ITGB3: variants seen among roughly 807,000 people sequenced by gnomAD.
ITGB3 encodes integrin beta-3.
In ITGB3, 48 loss-of-function variants were observed where a neutral mutation model predicts 85.8. The observed-to-expected ratio is 0.56, with a 90% CI of 0.44 to 0.71. The LOEUF is 0.71. ITGB3 is among the 30% of genes least tolerant of loss of function. ITGB3 has a pLI of 0.00. For synonymous variants in ITGB3, 363 were observed against 395.6 expected (o/e 0.92, Z 0.98); for missense variants, 861 against 1,019.1 (o/e 0.84, Z 2.11).
At chr17:47,283,241 G>A (rs2065090002) in intron 2 of ITGB3, 113 bp from the exon 3 acceptor site, 2 of 978,866 alleles carry the variant, frequency 2.0e-6, no homozygotes, top group African/African-American at 3.2e-5. Flanking sequence ...ATTTGTTTAT[G>A]CTCCAATGTA....
intron 1 of ITGB3, among the ~76,000 whole-genome samples, chr17:47,268,210 A>T (rs149106552): frequency 1.0e-3 from 157 of 152,212 alleles, no homozygotes; most frequent in African/African-American, 3.7e-3. Context: ...ATTCAAGAGG[A>T]GATTTGGGGG....
At position 47,253,928 on chromosome 17, in the gene ITGB3, G is replaced by T. The variant is rs778013385; in HGVS notation, c.67G>T (p.Val23Phe). 1.1e-5 allele frequency: 16 copies of T among 1,417,106 alleles called. No homozygotes were observed. In the Admixed American group the frequency reaches 3.5e-4, roughly 31 times the overall value. The allele number at this position is 1,417,106 out of a possible 1,614,324, so 87.8% of individuals were successfully genotyped here. Residue 23 changes from valine (V) to phenylalanine (F), a missense_variant, in exon 1 of 15, where the codon GTT becomes TTT. By Grantham distance (50) the Val-to-Phe change is conservative. Coordinates refer to ENST00000559488, the MANE Select transcript of ITGB3 (RefSeq NM_000212.3). ...GCTGGCGCTGGGGGCGCTGGCGGGC[G>T]TTGGCGTAGGAGGTGAGTGAGGCTC... ...TVLALGALAG[V>F]GVGGPNICTT...
intron 1 of ITGB3, among the ~76,000 whole-genome samples, chr17:47,262,377 T>G (rs922328394): frequency 2.6e-5 from 4 of 152,210 alleles, no homozygotes; most frequent in Admixed American, 1.3e-4. Flanking sequence ...TGAGGTGGGG[T>G]CGATGCTAAT....
At chr17:47,255,295 A>G (rs2064985085) in intron 1 of ITGB3, among the ~76,000 whole-genome samples, 1 of 152,000 alleles carries the variant, frequency 6.6e-6, no homozygotes, top group Admixed American at 6.6e-5. Context: ...TATTTTAAAA[A>G]GGGAAGATTT....
chr17:47,291,135 C>CAAAAGGA (rs1381332127), intron 9 of ITGB3, 47 bp downstream of exon 9: 1 of 1,612,438 alleles, frequency 6.2e-7, no homozygotes, highest in East Asian at 2.2e-5. Context: ...TCTGTGGGCA[C>CAAAAGGA]CCAACCCCCT....
chr17:47,273,765 C>A (rs1240993991), intron 1 of ITGB3, among the ~76,000 whole-genome samples: 1 of 152,254 alleles, frequency 6.6e-6, no homozygotes, highest in Non-Finnish European at 1.5e-5. Context: ...CCTTCCAACT[C>A]TAAAATTCCA....
intron 1 of ITGB3, among the ~76,000 whole-genome samples, chr17:47,261,526 T>G (rs938542944): frequency 3.3e-5 from 5 of 150,384 alleles, no homozygotes; most frequent in African/African-American, 1.2e-4. Context: ...TGTCTTTTTT[T>G]TTTTTTTTTT....
Position 47,292,488 on chromosome 17 carries a change from G to C in ITGB3, c.1610G>C (p.Ser537Thr). The change falls in exon 10 of 15, where the codon AGT becomes ACT. Residue 537 changes from serine to threonine, a missense_variant. By Grantham distance (58) the Ser-to-Thr change is moderately conservative. Coordinates refer to ENST00000559488, the MANE Select transcript of ITGB3 (RefSeq NM_000212.3). ...CLCGQCVCHSSDFGKITGKYC... is the reference protein window; with the variant it reads ...CLCGQCVCHSTDFGKITGKYC... The stretch of plus-strand genomic sequence containing the variant: ...TGTGGTCAATGTGTCTGCCACAGCA[G>C]TGACTTTGGCAAGATCACGGGCAAG... 6.2e-7 allele frequency: 1 copy of C among 1,610,406 alleles called. No individual in the cohort carries two copies. The highest frequency in any genetic ancestry group is 8.5e-7 in the Non-Finnish European group (1 of 1,179,182).
intron 1 of ITGB3, among the ~76,000 whole-genome samples, chr17:47,254,541 G>T (rs2064981172): frequency 6.6e-6 from 1 of 152,044 alleles, no homozygotes; most frequent in Non-Finnish European, 1.5e-5. Flanking sequence ...GCAGGATGAG[G>T]GCTTTGCCTC....
chr17:47,304,037 A>G (rs972879721), intron 13 of ITGB3, among the ~76,000 whole-genome samples: 9 of 151,928 alleles, frequency 5.9e-5, no homozygotes, highest in African/African-American at 2.2e-4. Context: ...GGCGTACACT[A>G]CCACACCTGG....
chr17:47,255,972 T>TAAATAAAC (rs902960701), intron 1 of ITGB3, among the ~76,000 whole-genome samples: 13 of 142,742 alleles, frequency 9.1e-5, no homozygotes, highest in Non-Finnish European at 2.0e-4. Flanking sequence ...TCAGTAAAAA[T>TAAATAAAC]AAATAAATAA....
At chr17:47,272,774 TC>T (rs35645550) in intron 1 of ITGB3, among the ~76,000 whole-genome samples, 42,388 of 150,050 alleles carry the variant, frequency 0.28, 6,326 homozygotes, top group African/African-American at 0.34. Context: ...TTTCTTTCTT[TC>T]CTTTTTTTTC....
rs1253284093 is a variant in ITGB3 at position 47,289,677 on chromosome 17, C to T, written c.940-4C>T. The T allele has an allele frequency of 6.2e-7, 1 of 1,606,372 alleles. No homozygotes were observed. Among genetic ancestry groups the T allele is most frequent in the Non-Finnish European group, 8.5e-7 (1 of 1,172,934 alleles). ...ATTAACCTCTACATCCTTCATTTTCCTAGGATTATCCCTCTTTGGGGCTGA... is the reference window on the plus strand; with the variant it reads ...ATTAACCTCTACATCCTTCATTTTCTTAGGATTATCCCTCTTTGGGGCTGA... On this transcript the variant is annotated splice_polypyrimidine_tract_variant and splice_region_variant and intron_variant, in intron 6 of 14. Transcript: ENST00000559488.
In ITGB3 at chr17:47,307,628, A is replaced by G; in HGVS notation, c.2292A>G (p.Lys764=). 1 of 1,614,172 alleles carries G rather than the reference A, an allele frequency of 6.2e-7. No individual in the cohort carries two copies. Among genetic ancestry groups the G allele is most frequent in the Non-Finnish European group, 8.5e-7 (1 of 1,180,016 alleles). ...TTGAGGAAGAACGCGCCAGAGCAAA[A>G]TGGGACACAGTAAGAGACGGGGCTG... is the stretch of plus-strand genomic sequence containing the variant. The part of the protein sequence containing the change: ...AKFEEERARA[K]WDTANNPLYK... Residue 764 remains lysine (K), a synonymous_variant, in exon 14 of 15, where the codon AAA becomes AAG. Transcript: ENST00000559488.
At chr17:47,304,684 T>G (rs1323581846) in intron 13 of ITGB3, among the ~76,000 whole-genome samples, 1 of 152,194 alleles carries the variant, frequency 6.6e-6, no homozygotes, top group Admixed American at 6.5e-5. Context: ...CTTGGCTCAC[T>G]GCAATCTCTG....
intron 2 of ITGB3, among the ~76,000 whole-genome samples, chr17:47,282,368 A>C (rs1209707832): frequency 1.3e-5 from 2 of 152,182 alleles, no homozygotes; most frequent in African/African-American, 2.4e-5. Flanking sequence ...AAAACTCTGT[A>C]CCCATCAAAA....
At chr17:47,271,698 C>T (rs1161342842) in intron 1 of ITGB3, among the ~76,000 whole-genome samples, 1 of 152,198 alleles carries the variant, frequency 6.6e-6, no homozygotes, top group Admixed American at 6.5e-5. Context: ...CCAGTTCTAG[C>T]AGCTATAACA....
At position 47,299,623 on chromosome 17, in the gene ITGB3, C is replaced by A; in HGVS notation, c.1913+93C>A. The stretch of plus-strand genomic sequence containing the variant: ...CAGCTCTCCAGGTGTGTTTCTTGCT[C>A]ACCAGAGCCTTAGGGAGAGGAGTCC... On this transcript the variant is annotated intron_variant, in intron 11 of 14. Coordinates refer to ENST00000559488, the MANE Select transcript of ITGB3 (RefSeq NM_000212.3). The surrounding 1 kb of genome is among the most constrained non-coding windows in gnomAD (Gnocchi z 5.1). 8.3e-7 allele frequency: 1 copy of A among 1,199,728 alleles called. No homozygotes were observed. The highest frequency in any genetic ancestry group is 1.2e-6 in the Non-Finnish European group (1 of 827,188). 74.3% of individuals were successfully genotyped at this position (1,199,728 alleles called of 1,614,324 possible).
chr17:47,273,167 C>G (rs530330935), intron 1 of ITGB3, among the ~76,000 whole-genome samples: 1 of 152,278 alleles, frequency 6.6e-6, no homozygotes, highest in East Asian at 1.9e-4. Context: ...AATTCAGTCA[C>G]ACTGTAATAA....
Sources: allele counts gnomAD v4.1 joint callset (sites outside exome capture counted in the v4.1 genomes callset), GRCh38; gene constraint gnomAD v4.1.1; non-coding constraint Gnocchi (gnomAD v3.1); transcripts MANE v1.5; gene names NCBI Gene and HGNC (gene_info 2026-07-23, HGNC 2026-07-21).